The following FOSL2 variants were observed in gnomAD, a reference collection of about 807,000 sequenced individuals.
FOSL2 encodes the protein fos-related antigen 2.
Under a neutral mutation model 27.7 loss-of-function variants are expected in FOSL2, and 3 were observed. The ratio of observed to expected loss-of-function variants is 0.11; its 90% CI spans 0.05 to 0.28. The LOEUF is 0.28. FOSL2 is among the 10% of genes least tolerant of loss of function. The probability of loss-of-function intolerance (pLI) is 1.00; values close to 1 mark genes in which losing one functional copy is unlikely to be tolerated. For synonymous variants in FOSL2, 179 were observed against 190.1 expected (o/e 0.94, Z 0.48); for missense variants, 333 against 445.1 (o/e 0.75, Z 2.27).
At position 28,415,167 on chromosome 2, in the gene FOSL2, T is replaced by C. The variant is rs1338196760; in HGVS notation, c.*2719T>C. The C allele has an allele frequency of 6.6e-6, 1 of 152,232 alleles. No individual in the cohort carries two copies. The highest frequency in any genetic ancestry group is 1.5e-5 in the Non-Finnish European group (1 of 68,150). The allele number at this position is 152,232 out of a possible 1,614,324, so 9.4% of individuals were successfully genotyped here. A position where few individuals can be genotyped will look rare whatever the true frequency, so the allele number is the denominator to read the frequency against. On this transcript the variant is annotated 3_prime_UTR_variant, in exon 4 of 4. Transcript: ENST00000264716. ...CTCCACTCGCGAGGCAGCTCGGAGGTGTGGACTCCGATTGGGCTGCAGGCA... is the reference window on the plus strand; with the variant it reads ...CTCCACTCGCGAGGCAGCTCGGAGGCGTGGACTCCGATTGGGCTGCAGGCA...
rs1159348924 is a variant in FOSL2 at position 28,415,016 on chromosome 2, C to A, written c.*2568C>A. On this transcript the variant is annotated 3_prime_UTR_variant, in exon 4 of 4. Coordinates refer to ENST00000264716, the MANE Select transcript of FOSL2 (RefSeq NM_005253.4). ...TTCCTTATGGCTTGCCCTCCAAGTTCTCTCTCTCATACACACACACACCCT... is the reference window on the plus strand; with the variant it reads ...TTCCTTATGGCTTGCCCTCCAAGTTATCTCTCTCATACACACACACACCCT... 6.6e-6 allele frequency: 1 copy of A among 152,230 alleles called. No individual in the cohort carries two copies. Among genetic ancestry groups the A allele is most frequent in the Non-Finnish European group, 1.5e-5 (1 of 68,072 alleles). 9.4% of individuals were successfully genotyped at this position (152,230 alleles called of 1,614,324 possible).
chr2:28,411,836 C>A, intron 3 of FOSL2, 94 bp from the exon 4 acceptor site: 1 of 1,392,654 alleles, frequency 7.2e-7, no homozygotes. Flanking sequence ...CCTCTGCTCT[C>A]ACAGTGTCTG....
Position 28,393,782 on chromosome 2 carries a change from C to T in FOSL2, c.62C>T (p.Ala21Val). The T allele has an allele frequency of 6.2e-7, 1 of 1,607,642 alleles. No homozygotes were observed. The highest frequency in any genetic ancestry group is 8.5e-7 in the Non-Finnish European group (1 of 1,177,724). ...TSSRGSSGSP[A>V]HAESYSSGGG... ...TCCCGGGGCAGCAGCGGCTCTCCTG[C>T]GCACGCCGAGTCCTACTCCAGCGGC... The change falls in exon 1 of 4, where the codon GCG becomes GTG. Residue 21 changes from alanine to valine, a missense_variant. Physicochemically the swap from Ala to Val is moderately conservative, Grantham distance 64 (BLOSUM62 0). Around this residue, in one of 4 missense-constraint regions of FOSL2, gnomAD observed 131 missense variants for 157.9 expected, o/e 0.83. Coordinates refer to ENST00000264716, the MANE Select transcript of FOSL2 (RefSeq NM_005253.4). This position sits in a 1 kb window ranked among gnomAD's most constrained non-coding sequence, Gnocchi z 4.6.
chr2:28,394,639 A>T (rs1467301463), intron 1 of FOSL2: 1 of 152,276 alleles, frequency 6.6e-6, no homozygotes, highest in Non-Finnish European at 1.5e-5. Context: ...GCAGAAAACA[A>T]CTTGTTTCTA....
chr2:28,395,117 C>T (rs1018930040), intron 1 of FOSL2, among the ~76,000 whole-genome samples: 2 of 152,230 alleles, frequency 1.3e-5, no homozygotes, highest in Non-Finnish European at 2.9e-5. Flanking sequence ...ACAGCCTAGT[C>T]TGTTCATTGA....
In FOSL2 at chr2:28,404,159, A is replaced by G; in HGVS notation, c.155A>G (p.Asn52Ser). 6.2e-7 allele frequency: 1 copy of G among 1,614,036 alleles called. No homozygotes were observed. Among genetic ancestry groups the G allele is most frequent in the Non-Finnish European group, 8.5e-7 (1 of 1,179,994 alleles). The change falls in exon 2 of 4, where the codon AAC (asparagine) becomes AGC (serine). Residue 52 changes from asparagine (N) to serine (S), a missense_variant. Physicochemically the swap from Asn to Ser is conservative, Grantham distance 46. Around this residue, in one of 4 missense-constraint regions of FOSL2, gnomAD observed 131 missense variants for 157.9 expected, o/e 0.83. Coordinates refer to ENST00000264716, the MANE Select transcript of FOSL2 (RefSeq NM_005253.4). The surrounding 1 kb of genome is among the most constrained non-coding windows in gnomAD (Gnocchi z 4.7). ...GGCAGTGCATTCATCCCCACCATCA[A>G]CGCCATCACGACCAGCCAGGACCTG... ...GSGSAFIPTINAITTSQDLQW... is the reference protein window; with the variant it reads ...GSGSAFIPTISAITTSQDLQW...
intron 1 of FOSL2, among the ~76,000 whole-genome samples, chr2:28,400,168 G>A (rs188439740): frequency 1.4e-4 from 22 of 152,212 alleles, no homozygotes; most frequent in East Asian, 1.2e-3. Flanking sequence ...TGAGGTTTTG[G>A]GTTACCTCTC....
rs532951692 is a variant in FOSL2, at chr2:28,414,834, A to G, written c.*2386A>G. 6.6e-6 allele frequency: 1 copy of G among 152,308 alleles called. No homozygotes were observed. Among genetic ancestry groups the G allele is most frequent in the South Asian group, 2.1e-4 (1 of 4,828 alleles). The allele number at this position is 152,308 out of a possible 1,614,324, so 9.4% of individuals were successfully genotyped here. A position where few individuals can be genotyped will look rare whatever the true frequency, so the allele number is the denominator to read the frequency against. ...CCAGCAGAAGGCAAACGTCCAGCCA[A>G]CACACAGGACTGTAAGAGGACTCTG... On this transcript the variant is annotated 3_prime_UTR_variant, in exon 4 of 4. Transcript: ENST00000264716.
intron 1 of FOSL2, among the ~76,000 whole-genome samples, chr2:28,398,235 G>A (rs1163511117): frequency 6.6e-6 from 1 of 152,220 alleles, no homozygotes; most frequent in African/African-American, 2.4e-5. Flanking sequence ...ATTTCAAAAT[G>A]ACAGCAGCTG....
In FOSL2 at chr2:28,408,397, T is replaced by C. The variant is rs1339848096; in HGVS notation, c.355-362T>C. On this transcript the variant is annotated intron_variant, in intron 2 of 3. Coordinates refer to ENST00000264716, the MANE Select transcript of FOSL2 (RefSeq NM_005253.4). This position sits in a 1 kb window ranked among gnomAD's most constrained non-coding sequence, Gnocchi z 4.1. ...CGCCTGGCTGGCAGGAGGGGACTCT[T>C]GGAGAAGCATCCCCAGCTCCTTCTC... is the stretch of plus-strand genomic sequence containing the variant. 6.6e-6 allele frequency among the ~76,000 whole-genome samples: 1 copy of C among 152,204 alleles called. No individual in the cohort carries two copies. The highest frequency in any genetic ancestry group is 1.5e-5 in the Non-Finnish European group (1 of 68,038).
intron 1 of FOSL2, 139 bp from the exon 2 acceptor site, chr2:28,403,968 A>G (rs907248664): frequency 8.0e-5 from 73 of 915,720 alleles, no homozygotes; most frequent in Non-Finnish European, 1.2e-4. Flanking sequence ...GTCCAGGCCC[A>G]CCTGGGGTCC....
intron 1 of FOSL2, among the ~76,000 whole-genome samples, chr2:28,396,375 A>G (rs578089951): frequency 1.3e-5 from 2 of 152,228 alleles, no homozygotes; most frequent in South Asian, 4.2e-4. Flanking sequence ...TTCCTGTTCC[A>G]GTTATAGTTT....
In FOSL2 at chr2:28,404,120, A is replaced by G. The variant is rs1664029091; in HGVS notation, c.116A>G (p.Asp39Gly). The change falls in exon 2 of 4, where the codon GAT (aspartate) becomes GGT (glycine). Residue 39 changes from aspartate (D) to glycine (G), a missense_variant. Coordinates refer to ENST00000264716, the MANE Select transcript of FOSL2 (RefSeq NM_005253.4). The surrounding 1 kb of genome is among the most constrained non-coding windows in gnomAD (Gnocchi z 4.7). The part of the protein sequence containing the change: ...GGGGQQKFRV[D>G]MPGSGSAFIP... Reference sequence around the variant, plus strand: ...TCCTCATTTCAGAAATTCCGGGTAGATATGCCTGGCTCAGGCAGTGCATTC... The same window carrying G: ...TCCTCATTTCAGAAATTCCGGGTAGGTATGCCTGGCTCAGGCAGTGCATTC... The G allele has an allele frequency of 2.5e-6, 4 of 1,614,014 alleles. No homozygotes were observed. The Admixed American group carries it at 6.7e-5, about 27-fold the overall frequency.
In FOSL2 at chr2:28,413,449, C is replaced by T. The variant is rs1042783534; in HGVS notation, c.*1001C>T. ...CCTGCCGGGCTCCGCCTTTCCCCCACCCTGGCTCTCAGGGTGACGCCACCC... is the reference window on the plus strand; with the variant it reads ...CCTGCCGGGCTCCGCCTTTCCCCCATCCTGGCTCTCAGGGTGACGCCACCC... On this transcript the variant is annotated 3_prime_UTR_variant, in exon 4 of 4. Coordinates refer to ENST00000264716, the MANE Select transcript of FOSL2 (RefSeq NM_005253.4). 10 of 398,688 alleles carry T rather than the reference C, an allele frequency of 2.5e-5. No individual in the cohort carries two copies. The highest frequency in any genetic ancestry group is 4.1e-5 in the African/African-American group (2 of 48,638). The allele number at this position is 398,688 out of a possible 1,614,324, so 24.7% of individuals were successfully genotyped here.
rs1242174767 is a variant in FOSL2, at chr2:28,408,231, CT to C, written c.355-527del. On this transcript the variant is annotated intron_variant, in intron 2 of 3. Coordinates refer to ENST00000264716, the MANE Select transcript of FOSL2 (RefSeq NM_005253.4). The surrounding 1 kb of genome is among the most constrained non-coding windows in gnomAD (Gnocchi z 4.1). ...CCCATCAGCAACATAACATTCCCCC[CT>C]GGGTGGTTCTTAACCTGTGTGGGGA... Among the ~76,000 whole-genome samples, 2 of 152,214 alleles carry C rather than the reference CT, an allele frequency of 1.3e-5. No homozygotes were observed. The highest frequency in any genetic ancestry group is 4.8e-5 in the African/African-American group (2 of 41,460).
Position 28,412,175 on chromosome 2 carries a change from G to T in FOSL2, c.708G>T (p.Ala236=). ...AGGACAGCCCCTCGTCCTCGTCGGC[G>T]GGGCTGGACAAGGCCCAGCGCTCTG... ...LEEDSPSSSS[A]GLDKAQRSVI... is the part of the protein sequence containing the mutation. Residue 236 remains alanine (A), a synonymous_variant, in exon 4 of 4, where the codon GCG becomes GCT. Transcript: ENST00000264716. This position sits in a 1 kb window ranked among gnomAD's most constrained non-coding sequence, Gnocchi z 7.1. The T allele has an allele frequency of 2.5e-6, 4 of 1,607,678 alleles. No homozygotes were observed. Among genetic ancestry groups the T allele is most frequent in the Non-Finnish European group, 3.4e-6 (4 of 1,176,090 alleles).
At chr2:28,407,123 A>T (rs889722236) in intron 2 of FOSL2, among the ~76,000 whole-genome samples, 3 of 152,188 alleles carry the variant, frequency 2.0e-5, no homozygotes, top group Non-Finnish European at 4.4e-5. Flanking sequence ...CCAAGGGGGA[A>T]GGAGGGCTTG....
intron 1 of FOSL2, among the ~76,000 whole-genome samples, chr2:28,394,137 GCCCCCCCCCCCCCACC>G (rs1663751110): frequency 1.2e-5 from 1 of 80,862 alleles, no homozygotes; most frequent in South Asian, 5.2e-4. Flanking sequence ...CCCAGTGTCT[GCCCCCCCCCCCCCACC>G]CCTGCCCCGC....
intron 1 of FOSL2, among the ~76,000 whole-genome samples, chr2:28,401,248 A>AAG (rs1663965984): frequency 6.6e-6 from 1 of 151,640 alleles, no homozygotes. Flanking sequence ...TAAAAAAAAA[A>AAG]AAAAAGCTTA....
Sources: allele counts gnomAD v4.1 joint callset (sites outside exome capture counted in the v4.1 genomes callset), GRCh38; gene constraint gnomAD v4.1.1; regional missense constraint gnomAD v4.1.1; non-coding constraint Gnocchi (gnomAD v3.1); transcripts MANE v1.5; gene names NCBI Gene and HGNC (gene_info 2026-07-23, HGNC 2026-07-21).